DOCK10: variants seen among roughly 807,000 people sequenced by gnomAD.
DOCK10 encodes the protein dedicator of cytokinesis protein 10.
In DOCK10, 145 loss-of-function variants were observed where a neutral mutation model predicts 280.1. The ratio of observed to expected loss-of-function variants is 0.52; its 90% CI spans 0.45 to 0.59. The LOEUF is 0.59. Among genes scored for constraint, DOCK10 ranks in the 20% least tolerant of loss-of-function variants. DOCK10 has a pLI of 0.00. For missense variants in DOCK10, 2,368 were observed against 2,651.7 expected, an observed-to-expected ratio of 0.89 and a Z score of 2.35; for synonymous variants, 915 against 942.2, an observed-to-expected ratio of 0.97 and a Z score of 0.53.
intron 1 of DOCK10, among the ~76,000 whole-genome samples, chr2:224,981,183 T>C (rs1441695352): frequency 6.6e-6 from 1 of 152,188 alleles, no homozygotes; most frequent in Non-Finnish European, 1.5e-5. Flanking sequence ...CTATTTACTG[T>C]TTCCTTTTAG....
chr2:224,940,557 T>C (rs1399195894), intron 1 of DOCK10, among the ~76,000 whole-genome samples: 3 of 152,188 alleles, frequency 2.0e-5, no homozygotes, highest in African/African-American at 7.2e-5. Context: ...TCTCATTCTG[T>C]GAAAAGTACA....
intron 27 of DOCK10, among the ~76,000 whole-genome samples, chr2:224,828,345 C>A (rs371078274): frequency 6.6e-6 from 1 of 152,064 alleles, no homozygotes; most frequent in African/African-American, 2.4e-5. Context: ...TAAGGACTCA[C>A]GGGATGAGCA....
At chr2:224,895,560 T>C (rs1003687273) in intron 4 of DOCK10, among the ~76,000 whole-genome samples, 1 of 152,194 alleles carries the variant, frequency 6.6e-6, no homozygotes, top group African/African-American at 2.4e-5. Flanking sequence ...ATTATAGTAC[T>C]GCACACCTAC....
chr2:224,964,196 A>C lies in DOCK10; in HGVS notation c.124-32528T>G, dbSNP rs537188266. Among the ~76,000 whole-genome samples, 3 of 152,350 alleles carry C rather than the reference A, an allele frequency of 2.0e-5. No individual in the cohort carries two copies. In the South Asian group the frequency reaches 6.2e-4, roughly 32 times the overall value. ...TGGATGTAATAAAAATATGTCATAG[A>C]ATTCAAAGTGAATTAGAACAACTAC... On this transcript the variant is annotated intron_variant, in intron 1 of 55. Coordinates refer to ENST00000258390, the MANE Select transcript of DOCK10 (RefSeq NM_014689.3).
intron 11 of DOCK10, among the ~76,000 whole-genome samples, chr2:224,870,739 C>T (rs1698215465): frequency 6.6e-6 from 1 of 150,984 alleles, no homozygotes; most frequent in African/African-American, 2.4e-5. Context: ...ATTTTTAGAT[C>T]CCGCCCCTCT....
chr2:224,841,654 A>G, intron 23 of DOCK10, 150 bp downstream of exon 23: 1 of 480,096 alleles, frequency 2.1e-6, no homozygotes, highest in Non-Finnish European at 3.7e-6. Context: ...GAAATTATGA[A>G]ATAAAATCAT....
chr2:224,917,067 A>G (rs931855205), intron 2 of DOCK10, among the ~76,000 whole-genome samples: 2 of 131,850 alleles, frequency 1.5e-5, no homozygotes, highest in African/African-American at 5.9e-5. Context: ...TTAGGCATCT[A>G]TATGTTTTCA....
intron 11 of DOCK10, among the ~76,000 whole-genome samples, chr2:224,873,755 A>G (rs1377835742): frequency 6.6e-6 from 1 of 152,170 alleles, no homozygotes; most frequent in Non-Finnish European, 1.5e-5. Context: ...TTATGGCAGT[A>G]TATTGATAAA....
At chr2:224,836,126 A>G (rs1432993567) in intron 25 of DOCK10, among the ~76,000 whole-genome samples, 1 of 152,210 alleles carries the variant, frequency 6.6e-6, no homozygotes, top group Non-Finnish European at 1.5e-5. Context: ...TGAAATGGAG[A>G]TGCCTGTGTG....
chr2:225,035,308 T>C (rs924516790), intron 1 of DOCK10, among the ~76,000 whole-genome samples: 27 of 151,972 alleles, frequency 1.8e-4, no homozygotes, highest in South Asian at 6.3e-4. Flanking sequence ...AACCACATTA[T>C]AGCATATGGG....
intron 1 of DOCK10, among the ~76,000 whole-genome samples, chr2:225,005,953 C>T (rs1344630489): frequency 6.6e-6 from 1 of 152,144 alleles, no homozygotes; most frequent in Non-Finnish European, 1.5e-5. Context: ...ATGCTCACTG[C>T]CAAAGACCAC....
chr2:224,966,122 G>A (rs1442380269), intron 1 of DOCK10, among the ~76,000 whole-genome samples: 3 of 152,162 alleles, frequency 2.0e-5, no homozygotes, highest in East Asian at 3.8e-4. Context: ...ACTCTCTGAC[G>A]CCTTCAGATA....
intron 1 of DOCK10, among the ~76,000 whole-genome samples, chr2:224,947,844 TTTCA>T (rs1177572488): frequency 6.6e-6 from 1 of 152,156 alleles, no homozygotes; most frequent in Non-Finnish European, 1.5e-5. Flanking sequence ...TGCAATTTCA[TTTCA>T]TTCACTGGGT....
At chr2:224,830,656 C>A in intron 26 of DOCK10, 44 bp from the exon 27 acceptor site, 1 of 1,191,456 alleles carries the variant, frequency 8.4e-7, no homozygotes, top group South Asian at 1.7e-5. Context: ...TATCCTATGG[C>A]AAAATAATGA....
At chr2:224,928,332 T>C (rs764664345) in intron 2 of DOCK10, among the ~76,000 whole-genome samples, 113 of 152,198 alleles carry the variant, frequency 7.4e-4, no homozygotes, top group Non-Finnish European at 1.4e-3. Context: ...AACCCTGCCT[T>C]TACATCATGA....
At chr2:224,841,964 G>T in intron 22 of DOCK10, 68 bp from the exon 23 acceptor site, 1 of 1,106,668 alleles carries the variant, frequency 9.0e-7, no homozygotes, top group South Asian at 1.3e-5. Flanking sequence ...ACAAACCACT[G>T]TGATGTGAGG....
At chr2:224,972,084 C>G (rs1705118979) in intron 1 of DOCK10, among the ~76,000 whole-genome samples, 1 of 152,098 alleles carries the variant, frequency 6.6e-6, no homozygotes, top group Non-Finnish European at 1.5e-5. Flanking sequence ...TCTTCCTTAA[C>G]TATATTGGAA....
chr2:224,952,961 A>T (rs1430379877), intron 1 of DOCK10, among the ~76,000 whole-genome samples: 2 of 152,230 alleles, frequency 1.3e-5, no homozygotes, highest in East Asian at 3.8e-4. Flanking sequence ...CGGAAATGGC[A>T]TCATCACTGA....
chr2:224,818,080 G>T (rs72970970), intron 29 of DOCK10, among the ~76,000 whole-genome samples: 46 of 152,248 alleles, frequency 3.0e-4, no homozygotes, highest in African/African-American at 1.0e-3. Flanking sequence ...AGCAGTGTTG[G>T]GGGGAGAAAA....
Sources: gnomAD v4.1 joint callset for allele counts (sites outside exome capture counted in the v4.1 genomes callset) on GRCh38, gnomAD v4.1.1 for gene constraint, MANE v1.5 for transcripts, NCBI Gene and HGNC (gene_info 2026-07-23, HGNC 2026-07-21) for gene names.